TTC39B: variants seen among roughly 807,000 people sequenced by gnomAD.
The protein encoded by TTC39B is tetratricopeptide repeat domain 39B, also known as tetratricopeptide repeat protein 39B.
In TTC39B, 92 loss-of-function variants were observed where a neutral mutation model predicts 96.6. The ratio of observed to expected loss-of-function variants is 0.95; its 90% CI spans 0.80 to 1.13. TTC39B has a LOEUF of 1.13. Among genes scored for constraint, TTC39B ranks in the 50% most tolerant of loss-of-function variants. The pLI is 0.00. For synonymous variants in TTC39B, 367 were observed against 299.4 expected, an observed-to-expected ratio of 1.23 and a Z score of -2.33; for missense variants, 955 against 809.3, an observed-to-expected ratio of 1.18 and a Z score of -2.18.
intron 2 of TTC39B, among the ~76,000 whole-genome samples, chr9:15,228,332 T>C (rs553520): frequency 0.065 from 9,814 of 151,948 alleles, 1,056 homozygotes; most frequent in African/African-American, 0.22. Context: ...GGCGTGGTGG[T>C]GGGTGCCTGT....
chr9:15,175,912 C>T (rs1188864648), intron 18 of TTC39B, among the ~76,000 whole-genome samples: 1 of 152,152 alleles, frequency 6.6e-6, no homozygotes. Context: ...AAGACAAAGG[C>T]AGGTTAGAAC....
chr9:15,178,005 G>A (rs1325260683), intron 17 of TTC39B, among the ~76,000 whole-genome samples, 191 bp from the exon 18 acceptor site: 1 of 151,706 alleles, frequency 6.6e-6, no homozygotes, highest in Non-Finnish European at 1.5e-5. Context: ...GAGTAGCTGG[G>A]ACTACAGGTG....
At chr9:15,183,765 A>G (rs1367963964) in intron 16 of TTC39B, among the ~76,000 whole-genome samples, 1 of 152,236 alleles carries the variant, frequency 6.6e-6, no homozygotes, top group Non-Finnish European at 1.5e-5. Flanking sequence ...GAAGGCTCTC[A>G]TGTGAGCTGG....
At chr9:15,174,443 G>C (rs1046672924) in intron 19 of TTC39B, among the ~76,000 whole-genome samples, 19 of 152,184 alleles carry the variant, frequency 1.2e-4, no homozygotes, top group African/African-American at 4.6e-4. Flanking sequence ...AGGTCTAAAA[G>C]CTATTGTCTA....
rs1459461755 is a variant in TTC39B at position 15,267,676 on chromosome 9, T to C, written c.275+238A>G. 2.0e-5 allele frequency among the ~76,000 whole-genome samples: 3 copies of C among 152,186 alleles called. No individual in the cohort carries two copies. The East Asian group carries it at 5.8e-4, about 29-fold the overall frequency. ...AAGAGTTAGCTATAAACAAATACTT[T>C]GTTGAGAAATATTTTATTTTGTTAC... is the stretch of plus-strand genomic sequence containing the variant. On this transcript the variant is annotated intron_variant, in intron 2 of 19. Coordinates refer to ENST00000512701, the Ensembl canonical transcript of TTC39B.
chr9:15,189,156 G>A (rs570266441), intron 13 of TTC39B, among the ~76,000 whole-genome samples: 5 of 152,080 alleles, frequency 3.3e-5, no homozygotes, highest in African/African-American at 4.8e-5. Flanking sequence ...TGACCTCGAC[G>A]CTTCGTTTTT....
chr9:15,219,117 C>A (rs879680993), intron 3 of TTC39B, among the ~76,000 whole-genome samples: 1 of 152,156 alleles, frequency 6.6e-6, no homozygotes, highest in Non-Finnish European at 1.5e-5. Flanking sequence ...AAGGAAAAGT[C>A]TTTTCTCTAC....
At chr9:15,307,059 G>A (rs1403863396) in intron 1 of TTC39B, 25 bp downstream of exon 1, 5 of 1,606,708 alleles carry the variant, frequency 3.1e-6, no homozygotes, top group East Asian at 4.5e-5. Context: ...CAGGGGCCGG[G>A]CCCGCAATCC....
intron 17 of TTC39B, among the ~76,000 whole-genome samples, chr9:15,181,344 G>A (rs1357436519): frequency 6.6e-6 from 1 of 152,164 alleles, no homozygotes; most frequent in Non-Finnish European, 1.5e-5. Flanking sequence ...TAATACCTAA[G>A]TGACTTGGCA....
chr9:15,214,354 G>GTGTC lies in TTC39B; in HGVS notation c.372-106_372-105insGACA, dbSNP rs1554773314. 95 of 728,250 alleles carry GTGTC rather than the reference G, an allele frequency of 1.3e-4. No homozygotes were observed. The African/African-American group carries it at 1.6e-3, about 12-fold the overall frequency. 45.1% of individuals were successfully genotyped at this position (728,250 alleles called of 1,614,324 possible). A position where few individuals can be genotyped will look rare whatever the true frequency, so the allele number is the denominator to read the frequency against. On this transcript the variant is annotated intron_variant, in intron 3 of 19. Coordinates refer to ENST00000512701, the Ensembl canonical transcript of TTC39B. ...TGTGTGTGTGTGTGTGTGTCTGTGTGTGTGTGTCTGTGTGTGTGTCTGTGT... is the reference window on the plus strand; with the variant it reads ...TGTGTGTGTGTGTGTGTGTCTGTGTGTGTCTGTGTGTCTGTGTGTGTGTCTGTGT...
intron 2 of TTC39B, among the ~76,000 whole-genome samples, chr9:15,254,672 C>T (rs1822683107): frequency 6.6e-6 from 1 of 151,688 alleles, no homozygotes; most frequent in Non-Finnish European, 1.5e-5. Flanking sequence ...TTTTAAATAC[C>T]AATCACAGGC....
At chr9:15,223,999 G>C (rs1465231954) in intron 3 of TTC39B, among the ~76,000 whole-genome samples, 1 of 151,812 alleles carries the variant, frequency 6.6e-6, no homozygotes, top group Non-Finnish European at 1.5e-5. Context: ...ACTCCTTCCC[G>C]ACTCAGAAAT....
intron 1 of TTC39B, among the ~76,000 whole-genome samples, chr9:15,292,262 C>T (rs1824213992): frequency 6.6e-6 from 1 of 152,174 alleles, no homozygotes; most frequent in Non-Finnish European, 1.5e-5. Flanking sequence ...GGACCACATA[C>T]ACCACGGTGG....
intron 2 of TTC39B, among the ~76,000 whole-genome samples, chr9:15,266,309 A>C (rs1823128254): frequency 6.6e-6 from 1 of 151,950 alleles, no homozygotes; most frequent in South Asian, 2.1e-4. Context: ...TATAATACTA[A>C]AATAAAGAAA....
chr9:15,175,172 G>T lies in TTC39B; in HGVS notation c.1842-37C>A, dbSNP rs754431276. On this transcript the variant is annotated intron_variant, in intron 18 of 19. Transcript: ENST00000512701. ...GAGGAAAATCAAGTAAATCTTAACA[G>T]AACAAGAAATACACATTTTTCTAAA... 2.9e-6 allele frequency: 4 copies of T among 1,381,864 alleles called. No homozygotes were observed. In the African/African-American group the frequency reaches 5.7e-5, roughly 20 times the overall value. The allele number at this position is 1,381,864 out of a possible 1,614,324, so 85.6% of individuals were successfully genotyped here.
chr9:15,208,628 A>G (rs1245128457), intron 6 of TTC39B, among the ~76,000 whole-genome samples: 3 of 152,218 alleles, frequency 2.0e-5, no homozygotes, highest in Admixed American at 2.0e-4. Context: ...TCCGAAGTCA[A>G]GAGGATAAAT....
chr9:15,202,986 A>C (rs1819631108), intron 7 of TTC39B, among the ~76,000 whole-genome samples: 2 of 152,180 alleles, frequency 1.3e-5, no homozygotes, highest in Non-Finnish European at 2.9e-5. Context: ...GTGACTTCTA[A>C]AAACTGCTCT....
intron 1 of TTC39B, among the ~76,000 whole-genome samples, chr9:15,270,901 G>A (rs976729419): frequency 2.0e-5 from 3 of 152,148 alleles, no homozygotes; most frequent in East Asian, 3.8e-4. Flanking sequence ...AAGGAAAGGT[G>A]AAGAGAAGAA....
intron 2 of TTC39B, among the ~76,000 whole-genome samples, chr9:15,264,729 C>CTATATATATATATA (rs138797791): frequency 1.3e-3 from 191 of 141,908 alleles, no homozygotes; most frequent in African/African-American, 4.7e-3. Context: ...AACAATTTTA[C>CTATATATATATATA]TATATATATA....
Sources: allele counts gnomAD v4.1 joint callset (sites outside exome capture counted in the v4.1 genomes callset), GRCh38; gene constraint gnomAD v4.1.1; transcripts MANE v1.5; gene names NCBI Gene and HGNC (gene_info 2026-07-23, HGNC 2026-07-21).